TTC6: variants seen among roughly 807,000 people sequenced by gnomAD.
TTC6 encodes tetratricopeptide repeat protein 6.
In TTC6, 172 loss-of-function variants were observed where a neutral mutation model predicts 210.4. That is an observed-to-expected ratio of 0.82 (90% CI 0.72 to 0.93). The LOEUF (loss-of-function observed/expected upper bound fraction) is 0.93. Among genes scored for constraint, TTC6 ranks in the 40% least tolerant of loss-of-function variants. The pLI is 0.00. For synonymous variants in TTC6, 804 were observed against 819.6 expected (o/e 0.98, Z 0.32); for missense variants, 2,414 against 2,318.1 (o/e 1.04, Z -0.85).
chr14:37,780,848 A>G (rs1055942625), intron 14 of TTC6, among the ~76,000 whole-genome samples: 1 of 152,020 alleles, frequency 6.6e-6, no homozygotes, highest in Non-Finnish European at 1.5e-5. Flanking sequence ...CTCGTTGTTC[A>G]TCTCCCAGTT....
At position 37,714,800 on chromosome 14, in the gene TTC6, A is replaced by G; in HGVS notation, c.1713+4A>G. The G allele has an allele frequency of 4.6e-6, 7 of 1,531,264 alleles. No homozygotes were observed. Among genetic ancestry groups the G allele is most frequent in the Non-Finnish European group, 3.5e-6 (4 of 1,145,146 alleles). 94.9% of individuals were successfully genotyped at this position (1,531,264 alleles called of 1,614,324 possible). ...CTTGGAAGTCTTGGGAGAGGAAGTA[A>G]GAACTTTCTTTAATATTAGTTTTTT... On this transcript the variant is annotated splice_donor_region_variant and intron_variant, in intron 6 of 30. Transcript: ENST00000553443.
At chr14:37,800,995 G>A (rs1053674231) in intron 20 of TTC6, among the ~76,000 whole-genome samples, 2 of 152,154 alleles carry the variant, frequency 1.3e-5, no homozygotes, top group African/African-American at 4.8e-5. Context: ...GACACTAAGT[G>A]CCATAAATGT....
At chr14:37,806,669 TAAACTA>T (rs533866496) in intron 22 of TTC6, among the ~76,000 whole-genome samples, 159 bp downstream of exon 24, 5 of 152,356 alleles carry the variant, frequency 3.3e-5, no homozygotes, top group Admixed American at 3.3e-4. Context: ...TATTTCTTCT[TAAACTA>T]AAAGTATTAT....
chr14:37,595,672 C>A (rs1266033077), upstream of TTC6, among the ~76,000 whole-genome samples: 1 of 152,102 alleles, frequency 6.6e-6, no homozygotes. Flanking sequence ...GGCTTAGAGA[C>A]CTTGTGGGAT....
intron 18 of TTC6, 97 bp from the exon 21 acceptor site, chr14:37,796,196 GA>G (rs1311532318): frequency 5.8e-6 from 3 of 519,702 alleles, no homozygotes; most frequent in Non-Finnish European, 1.0e-5. Context: ...AAATAAGAAT[GA>G]ATATATTGTA....
In TTC6 at chr14:37,609,399, G is replaced by C. The variant is rs113084503; in HGVS notation, c.-155+2657G>C. 6.4e-3 allele frequency among the ~76,000 whole-genome samples: 968 copies of C among 152,272 alleles called. 13 individuals carry two copies. Among genetic ancestry groups the C allele is most frequent in the African/African-American group, 0.022 (927 of 41,538 alleles). On this transcript the variant is annotated intron_variant, in intron 2 of 2. Transcript: ENST00000556845. The stretch of plus-strand genomic sequence containing the variant: ...CCACTGCCCACCAGCCTGGGTGACA[G>C]AGTGAGACCCTGTCTCAATCAATCA...
At chr14:37,698,226 A>G (rs1410495469) in intron 4 of TTC6, among the ~76,000 whole-genome samples, 2 of 152,124 alleles carry the variant, frequency 1.3e-5, no homozygotes, top group South Asian at 2.1e-4. Context: ...TTCAACCTAA[A>G]TTTTCTCACT....
intron 2 of TTC6, among the ~76,000 whole-genome samples, chr14:37,614,874 G>A (rs893324359): frequency 6.6e-5 from 10 of 151,964 alleles, no homozygotes; most frequent in Admixed American, 1.3e-4. Flanking sequence ...AGCCTCCCAC[G>A]TAACTGGGAT....
At chr14:37,655,657 C>A (rs1490118569) in intron 1 of TTC6, among the ~76,000 whole-genome samples, 1 of 152,120 alleles carries the variant, frequency 6.6e-6, no homozygotes, top group African/African-American at 2.4e-5. Flanking sequence ...TGAAAGGACC[C>A]CAAATAATGT....
At chr14:37,744,669 A>G (rs1399323354) in intron 10 of TTC6, among the ~76,000 whole-genome samples, 1 of 152,194 alleles carries the variant, frequency 6.6e-6, no homozygotes. Context: ...AAGAGTGCCA[A>G]GAAATCATTG....
intron 15 of TTC6, among the ~76,000 whole-genome samples, chr14:37,789,616 A>ATATATATATG (rs1244598358): frequency 1.4e-5 from 2 of 145,886 alleles, no homozygotes; most frequent in Non-Finnish European, 3.0e-5. Context: ...ATATATATAT[A>ATATATATATG]TTGTATATAC....
At chr14:37,686,118 A>G (rs1473337213) in intron 3 of TTC6, among the ~76,000 whole-genome samples, 1 of 152,140 alleles carries the variant, frequency 6.6e-6, no homozygotes, top group African/African-American at 2.4e-5. Flanking sequence ...CTCTGCAACT[A>G]GATGTCCAAG....
intron 13 of TTC6, among the ~76,000 whole-genome samples, chr14:37,751,841 T>TTTTTTGG (rs2095952974): frequency 1.3e-5 from 2 of 150,400 alleles, no homozygotes; most frequent in Non-Finnish European, 3.0e-5. Flanking sequence ...TTTTTTTTTT[T>TTTTTTGG]GAGGCAGAGT....
At chr14:37,597,887 C>T (rs747323822) in intron 1 of TTC6, among the ~76,000 whole-genome samples, 2 of 152,194 alleles carry the variant, frequency 1.3e-5, no homozygotes, top group Non-Finnish European at 2.9e-5. Context: ...GTTCGTCCAG[C>T]TCCCAGCCTC....
At chr14:37,786,417 C>G (rs2096067812) in intron 14 of TTC6, among the ~76,000 whole-genome samples, 1 of 152,242 alleles carries the variant, frequency 6.6e-6, no homozygotes, top group South Asian at 2.1e-4. Flanking sequence ...GCGTGGGACC[C>G]TCCAAGCCAG....
At chr14:37,746,579 A>C (rs74045694) in intron 10 of TTC6, among the ~76,000 whole-genome samples, 2,045 of 152,208 alleles carry the variant, frequency 0.013, 59 homozygotes, top group African/African-American at 0.047. Context: ...CTTCACTTAG[A>C]GTATTCCTGG....
chr14:37,647,616 T>TA (rs991134926), intron 1 of TTC6, among the ~76,000 whole-genome samples: 3 of 152,306 alleles, frequency 2.0e-5, no homozygotes, highest in Non-Finnish European at 4.4e-5. Flanking sequence ...TTGAGGTGCC[T>TA]AATATACTTC....
At chr14:37,659,267 G>A (rs1036104537) in intron 1 of TTC6, among the ~76,000 whole-genome samples, 4 of 152,068 alleles carry the variant, frequency 2.6e-5, no homozygotes, top group African/African-American at 9.7e-5. Context: ...CTTCATGGTA[G>A]AATGATTTAT....
chr14:37,768,275 G>A (rs1262055622), intron 14 of TTC6, among the ~76,000 whole-genome samples: 1 of 151,524 alleles, frequency 6.6e-6, no homozygotes, highest in Admixed American at 6.6e-5. Context: ...GATTGACTTG[G>A]TGATGCGGGC....
Sources: allele counts gnomAD v4.1 joint callset (sites outside exome capture counted in the v4.1 genomes callset), GRCh38; gene constraint gnomAD v4.1.1; transcripts MANE v1.5; gene names NCBI Gene and HGNC (gene_info 2026-07-23, HGNC 2026-07-21).